Variants in AKT3 observed in about 807,000 individuals in gnomAD.
AKT3 encodes AKT serine/threonine kinase 3.
In AKT3, 15 loss-of-function variants were observed where a neutral mutation model predicts 65.3. The observed-to-expected ratio is 0.23, with a 90% CI of 0.15 to 0.35. The LOEUF (loss-of-function observed/expected upper bound fraction) is 0.35, where lower values mean the gene tolerates loss of function less well. Ranked by LOEUF, AKT3 falls within the 10% of genes least tolerant of loss-of-function variation. The pLI, the probability that AKT3 is intolerant of heterozygous loss-of-function variation, is 1.00. For missense variants in AKT3, 243 were observed against 576.5 expected, an observed-to-expected ratio of 0.42 and a Z score of 5.92; for synonymous variants, 206 against 183.8, an observed-to-expected ratio of 1.12 and a Z score of -0.98.
intron 12 of AKT3, among the ~76,000 whole-genome samples, chr1:243,532,915 G>A (rs1458004236): frequency 6.6e-6 from 1 of 152,062 alleles, no homozygotes; most frequent in African/African-American, 2.4e-5. Context: ...ATTTCATCTA[G>A]GTTACTCAAC....
chr1:243,499,963 G>A lies in AKT3; in HGVS notation c.*5286C>T. The stretch of plus-strand genomic sequence containing the variant: ...CCCGCACGCAGTCGGGCTGGAGCTG[G>A]AGTCTGACTCTAGCTGAGCAGAGCT... On this transcript the variant is annotated 3_prime_UTR_variant, in exon 14 of 14. Coordinates refer to ENST00000673466, the MANE Select transcript of AKT3 (RefSeq NM_005465.7). The A allele has an allele frequency of 3.0e-6, 2 of 663,268 alleles. No homozygotes were observed. Among genetic ancestry groups the A allele is most frequent in the East Asian group, 5.4e-5 (2 of 36,752 alleles). The allele number at this position is 663,268 out of a possible 1,614,324, so 41.1% of individuals were successfully genotyped here.
At chr1:243,695,535 A>G (rs1685007004) in intron 3 of AKT3, 56 bp downstream of exon 3, 1 of 1,486,834 alleles carries the variant, frequency 6.7e-7, no homozygotes. Flanking sequence ...TATCTGACAC[A>G]TAAAATCATA....
chr1:243,696,154 T>A (rs977295077), intron 2 of AKT3, among the ~76,000 whole-genome samples: 6 of 151,828 alleles, frequency 4.0e-5, no homozygotes, highest in Non-Finnish European at 8.8e-5. Context: ...TCTTTTTTTT[T>A]TCAAAAAAGA....
intron 2 of AKT3, among the ~76,000 whole-genome samples, chr1:243,787,998 T>C (rs1376479807): frequency 6.6e-6 from 1 of 152,324 alleles, no homozygotes; most frequent in Admixed American, 6.5e-5. Flanking sequence ...CCTTGCAACA[T>C]ACAGTCGCTT....
chr1:243,492,693 T>C (rs1373586190), intron 13 of AKT3, among the ~76,000 whole-genome samples: 7 of 142,700 alleles, frequency 4.9e-5, no homozygotes, highest in African/African-American at 7.9e-5. Flanking sequence ...CTGCAACCTC[T>C]GCCTCCTGGG....
intron 6 of AKT3, among the ~76,000 whole-genome samples, chr1:243,625,610 C>G (rs1008483141): frequency 6.6e-6 from 1 of 152,104 alleles, no homozygotes; most frequent in African/African-American, 2.4e-5. Flanking sequence ...CTTTGACCAC[C>G]AGGAACATTG....
intron 2 of AKT3, among the ~76,000 whole-genome samples, chr1:243,805,871 T>C (rs1309951462): frequency 6.6e-6 from 1 of 152,162 alleles, no homozygotes; most frequent in Non-Finnish European, 1.5e-5. Context: ...ATTATATCTA[T>C]CATTAAAACT....
chr1:243,772,499 A>C (rs1310318399), intron 2 of AKT3, among the ~76,000 whole-genome samples: 2 of 152,198 alleles, frequency 1.3e-5, no homozygotes, highest in Non-Finnish European at 2.9e-5. Flanking sequence ...ATCATCTCAC[A>C]TCAGTTAGAA....
At chr1:243,539,133 T>C (rs59228876) in intron 12 of AKT3, among the ~76,000 whole-genome samples, 15,287 of 151,998 alleles carry the variant, frequency 0.1, 1,376 homozygotes, top group African/African-American at 0.24. Flanking sequence ...TTGAACAACA[T>C]GAGATTGAAT....
chr1:243,842,293 A>G (rs926086777), intron 2 of AKT3, among the ~76,000 whole-genome samples: 10 of 152,190 alleles, frequency 6.6e-5, no homozygotes, highest in Admixed American at 2.6e-4. Context: ...TTGTAACCAT[A>G]AAGTAGATAT....
At chr1:243,796,046 G>GCGACCACC in intron 2 of AKT3, among the ~76,000 whole-genome samples, 1 of 152,086 alleles carries the variant, frequency 6.6e-6, no homozygotes, top group African/African-American at 2.4e-5. Flanking sequence ...GAGACTCTTG[G>GCGACCACC]GAGCTTCGGA....
chr1:243,681,502 T>C (rs1257342000), intron 3 of AKT3, among the ~76,000 whole-genome samples: 2 of 152,112 alleles, frequency 1.3e-5, no homozygotes, highest in Admixed American at 6.6e-5. Context: ...CTCTATCAAA[T>C]TTATCAGCCA....
chr1:243,742,237 TACC>T (rs891993376), intron 2 of AKT3, among the ~76,000 whole-genome samples: 2 of 152,176 alleles, frequency 1.3e-5, no homozygotes, highest in African/African-American at 4.8e-5. Flanking sequence ...CTCTGATAGT[TACC>T]ACCTTTCTAA....
At chr1:243,583,235 C>A (rs1366573873) in intron 8 of AKT3, among the ~76,000 whole-genome samples, 1 of 143,874 alleles carries the variant, frequency 7.0e-6, no homozygotes, top group Non-Finnish European at 1.5e-5. Flanking sequence ...ATATATATAT[C>A]TCACATATAT....
rs1572189947 is a variant in AKT3, at chr1:243,698,391, A to G, written c.47-2675T>C. ...TTCTTCTTCTTTTAAAATAGTACTG[A>G]ATACACTTATTCAAGAAATGTAAAA... On this transcript the variant is annotated intron_variant, in intron 2 of 13. Coordinates refer to ENST00000673466, the MANE Select transcript of AKT3 (RefSeq NM_005465.7). 2.0e-5 allele frequency among the ~76,000 whole-genome samples: 3 copies of G among 152,200 alleles called. No homozygotes were observed. In the Middle Eastern group the frequency reaches 0.011, roughly 536 times the overall value.
intron 2 of AKT3, among the ~76,000 whole-genome samples, chr1:243,783,242 C>G (rs566920865): frequency 6.6e-6 from 1 of 152,298 alleles, no homozygotes; most frequent in East Asian, 1.9e-4. Flanking sequence ...GAACTTTCAG[C>G]TTCACCTCAC....
At chr1:243,650,821 T>C (rs1681250534) in intron 4 of AKT3, among the ~76,000 whole-genome samples, 2 of 152,208 alleles carry the variant, frequency 1.3e-5, no homozygotes, top group Admixed American at 1.3e-4. Flanking sequence ...TAGTATAGTT[T>C]GAAGTCAGGC....
intron 13 of AKT3, among the ~76,000 whole-genome samples, chr1:243,507,891 C>T (rs977910132): frequency 3.3e-5 from 5 of 152,190 alleles, no homozygotes; most frequent in Non-Finnish European, 5.9e-5. Context: ...CAAATCTGTT[C>T]CATTATTAAC....
At chr1:243,554,044 C>T (rs1021252671) in intron 10 of AKT3, among the ~76,000 whole-genome samples, 2 of 152,082 alleles carry the variant, frequency 1.3e-5, no homozygotes, top group African/African-American at 4.8e-5. Context: ...AACTTTCTTG[C>T]TTCGAATTAA....
Sources: allele counts gnomAD v4.1 joint callset (sites outside exome capture counted in the v4.1 genomes callset), GRCh38; gene constraint gnomAD v4.1.1; transcripts MANE v1.5; gene names NCBI Gene and HGNC (gene_info 2026-07-23, HGNC 2026-07-21).